Variants in SHPK observed in about 807,000 individuals in gnomAD.
The protein encoded by SHPK is carbohydrate kinase-like protein.
A neutral mutation model predicts 46.3 loss-of-function variants in SHPK; 51 were observed. The ratio of observed to expected loss-of-function variants is 1.10; its 90% confidence interval spans 0.88 to 1.39. SHPK has a LOEUF of 1.39. Ranked by LOEUF, SHPK falls within the 40% of genes most tolerant of loss-of-function variation. SHPK has a pLI of 0.00. For missense variants in SHPK, 668 were observed against 641.3 expected (o/e 1.04, Z -0.45); for synonymous variants, 290 against 273.9 (o/e 1.06, Z -0.58).
intron 1 of SHPK, among the ~76,000 whole-genome samples, chr17:3,632,594 G>A (rs2075479418): frequency 6.6e-6 from 1 of 152,176 alleles, no homozygotes; most frequent in South Asian, 2.1e-4. Flanking sequence ...TTAGGGGCGG[G>A]TGTGATTGGG....
intron 1 of SHPK, among the ~76,000 whole-genome samples, chr17:3,633,415 G>T (rs1223170311): frequency 6.6e-6 from 1 of 151,254 alleles, no homozygotes; most frequent in African/African-American, 2.4e-5. Flanking sequence ...TAGTGGGCCA[G>T]AGATGTTGCT....
Position 3,634,192 on chromosome 17 carries a change from T to G in SHPK, c.168+1860A>C, listed in dbSNP as rs1223801481. Among the ~76,000 whole-genome samples the G allele has an allele frequency of 7.4e-5, 11 of 147,666 alleles. 2 individuals carry two copies. The highest frequency in any genetic ancestry group is 2.0e-4 in the East Asian group (1 of 5,066). On this transcript the variant is annotated intron_variant, in intron 1 of 6. Coordinates refer to ENST00000225519, the MANE Select transcript of SHPK (RefSeq NM_013276.4). Reference sequence around the variant, plus strand: ...GACCTTTGTTCACTTGTTTATCTGCTGTCCTTCCCTCCACTATTGTCCTAT... The same window carrying G: ...GACCTTTGTTCACTTGTTTATCTGCGGTCCTTCCCTCCACTATTGTCCTAT...
chr17:3,633,841 G>T (rs1316093479), intron 1 of SHPK, among the ~76,000 whole-genome samples: 1 of 152,120 alleles, frequency 6.6e-6, no homozygotes, highest in Non-Finnish European at 1.5e-5. Flanking sequence ...GAAAGGTGGG[G>T]AAAAGATTGA....
chr17:3,619,434 T>G, intron 5 of SHPK: 1 of 1,526,296 alleles, frequency 6.6e-7, no homozygotes, highest in Non-Finnish European at 9.0e-7. Context: ...AAATGCCTGA[T>G]TAAAAATTTG....
chr17:3,617,347 T>C (rs1329326147), intron 5 of SHPK, among the ~76,000 whole-genome samples: 6 of 152,140 alleles, frequency 3.9e-5, no homozygotes, highest in Admixed American at 6.5e-5. Flanking sequence ...ACATATGAAC[T>C]CCACAACTTG....
At chr17:3,621,203 G>C (rs1390762470) in intron 5 of SHPK, 34 bp downstream of exon 5, 2 of 1,546,808 alleles carry the variant, frequency 1.3e-6, no homozygotes. Context: ...AGGCGACAGT[G>C]TAAGTCTGAG....
intron 5 of SHPK, 70 bp downstream of exon 5, chr17:3,621,167 T>A: frequency 7.6e-7 from 1 of 1,321,398 alleles, no homozygotes; most frequent in Non-Finnish European, 1.0e-6. Flanking sequence ...CCCTGCAGAC[T>A]CGCACAGAGC....
chr17:3,631,888 A>C (rs1409724549), intron 1 of SHPK, among the ~76,000 whole-genome samples: 1 of 152,078 alleles, frequency 6.6e-6, no homozygotes, highest in African/African-American at 2.4e-5. Flanking sequence ...TGCAATTAAA[A>C]TTAATTTCAC....
intron 2 of SHPK, among the ~76,000 whole-genome samples, chr17:3,626,155 T>C (rs1420546434): frequency 1.3e-5 from 2 of 152,236 alleles, no homozygotes; most frequent in Non-Finnish European, 2.9e-5. Context: ...TTCTTTCATA[T>C]GGGATCTGAT....
At chr17:3,613,206 G>GAATCAGTT in intron 6 of SHPK, among the ~76,000 whole-genome samples, 1 of 152,172 alleles carries the variant, frequency 6.6e-6, no homozygotes, top group African/African-American at 2.4e-5. Context: ...AACACTTCAG[G>GAATCAGTT]CCTCAGAATC....
At chr17:3,627,167 G>A (rs1231378191) in intron 2 of SHPK, among the ~76,000 whole-genome samples, 1 of 152,014 alleles carries the variant, frequency 6.6e-6, no homozygotes, top group Admixed American at 6.6e-5. Context: ...TTCTTTACAC[G>A]TGCTGACCTG....
At chr17:3,633,500 T>C (rs1223643772) in intron 1 of SHPK, among the ~76,000 whole-genome samples, 1 of 151,650 alleles carries the variant, frequency 6.6e-6, no homozygotes, top group Non-Finnish European at 1.5e-5. Context: ...AGCACCAAGG[T>C]TGAGAAACCC....
chr17:3,629,728 T>TAAA (rs59844560), intron 2 of SHPK, among the ~76,000 whole-genome samples: 2 of 121,672 alleles, frequency 1.6e-5, no homozygotes, highest in Non-Finnish European at 3.4e-5. Flanking sequence ...AACTCCACCT[T>TAAA]AAAAAAAAAA....
rs2075418890 is a variant in SHPK at position 3,624,120 on chromosome 17, G to T, written c.422C>A (p.Pro141His). ...CACACTGAGATGAGACTTCGGCTGG[G>T]GCAGAGAGGCCAGGAATTCGCTGCT... Reference protein sequence around the residue: ...RCSSEFLASLPQPKSHLSVAT... With the variant: ...RCSSEFLASLHQPKSHLSVAT... The change falls in exon 3 of 7, where the codon CCC (proline) becomes CAC (histidine). Residue 141 changes from proline (P) to histidine (H), a missense_variant. Coordinates refer to ENST00000225519, the MANE Select transcript of SHPK (RefSeq NM_013276.4). 6 of 1,614,042 alleles carry T rather than the reference G, an allele frequency of 3.7e-6. No individual in the cohort carries two copies. The highest frequency in any genetic ancestry group is 5.1e-6 in the Non-Finnish European group (6 of 1,180,004).
Position 3,610,494 on chromosome 17 carries a change from C to T in SHPK, c.*66G>A. On this transcript the variant is annotated 3_prime_UTR_variant, in exon 7 of 7. Coordinates refer to ENST00000225519, the MANE Select transcript of SHPK (RefSeq NM_013276.4). ...AACGGTCCAGGGAAAGGATGACCCA[C>T]AGATGGTGTCAGGAATGTTAATCAG... 1 of 1,488,880 alleles carries T rather than the reference C, an allele frequency of 6.7e-7. No individual in the cohort carries two copies. Among genetic ancestry groups the T allele is most frequent in the South Asian group, 1.3e-5 (1 of 79,656 alleles). The allele number at this position is 1,488,880 out of a possible 1,614,324, so 92.2% of individuals were successfully genotyped here.
chr17:3,610,766 G>A lies in SHPK; in HGVS notation c.1231C>T (p.His411Tyr). 1.2e-6 allele frequency: 2 copies of A among 1,614,094 alleles called. No individual in the cohort carries two copies. The highest frequency in any genetic ancestry group is 2.2e-5 in the South Asian group (2 of 91,080). The change falls in exon 7 of 7, where the codon CAC (histidine) becomes TAC (tyrosine). Residue 411 changes from histidine (H) to tyrosine (Y), a missense_variant. Physicochemically the swap from His to Tyr is moderately conservative, Grantham distance 83. Transcript: ENST00000225519. ...AGCTGCTGAATCGGAAGCATGGAGT[G>A]CAGGTTCTGAACAATGCCTCGGCAC... The part of the protein sequence containing the change: ...ALCRGIVQNL[H>Y]SMLPIQQLQE...
At chr17:3,611,660 T>C (rs76056301) in intron 6 of SHPK, among the ~76,000 whole-genome samples, 4,687 of 152,214 alleles carry the variant, frequency 0.031, 97 homozygotes, top group Non-Finnish European at 0.045. Context: ...AATCACTGAA[T>C]GGGCCACCCT....
At chr17:3,626,275 T>G (rs2075436696) in intron 2 of SHPK, among the ~76,000 whole-genome samples, 1 of 152,178 alleles carries the variant, frequency 6.6e-6, no homozygotes, top group African/African-American at 2.4e-5. Context: ...CTATGGGCCC[T>G]TTCAGGCTGG....
At chr17:3,618,013 T>G (rs1352066875) in intron 5 of SHPK, among the ~76,000 whole-genome samples, 1 of 152,226 alleles carries the variant, frequency 6.6e-6, no homozygotes, top group Non-Finnish European at 1.5e-5. Context: ...GCAAATACTT[T>G]ATGAAAATTT....
Sources: allele counts gnomAD v4.1 joint callset (sites outside exome capture counted in the v4.1 genomes callset), GRCh38; gene constraint gnomAD v4.1.1; transcripts MANE v1.5; gene names NCBI Gene and HGNC (gene_info 2026-07-23, HGNC 2026-07-21).